Variants in STAC observed in about 807,000 individuals in gnomAD.
The protein encoded by STAC is SH3 and cysteine rich domain.
STAC carries 43 observed loss-of-function variants against 48.8 expected under a neutral mutation model. That is an observed-to-expected ratio of 0.88 (90% CI 0.69 to 1.14). The LOEUF (loss-of-function observed/expected upper bound fraction) is 1.14, where lower values mean the gene tolerates loss of function less well. Ranked by LOEUF, STAC falls within the 50% of genes most tolerant of loss-of-function variation. STAC has a pLI of 0.00. For synonymous variants in STAC, 193 were observed against 179.5 expected, an observed-to-expected ratio of 1.07 and a Z score of -0.60; for missense variants, 497 against 504.0, an observed-to-expected ratio of 0.99 and a Z score of 0.13.
chr3:36,395,161 A>T (rs547222332), intron 1 of STAC, among the ~76,000 whole-genome samples: 4 of 152,294 alleles, frequency 2.6e-5, no homozygotes, highest in Admixed American at 2.6e-4. Context: ...AAAGATAGAA[A>T]CAATGTAACT....
At chr3:36,411,639 T>TCC (rs1156251353) in intron 1 of STAC, among the ~76,000 whole-genome samples, 8 of 152,312 alleles carry the variant, frequency 5.3e-5, no homozygotes, top group African/African-American at 1.7e-4. Flanking sequence ...GGAGAGACTG[T>TCC]TCTTCCATGA....
intron 10 of STAC, among the ~76,000 whole-genome samples, chr3:36,536,770 T>G (rs1425050595): frequency 6.6e-6 from 1 of 151,426 alleles, no homozygotes; most frequent in East Asian, 1.9e-4. Context: ...ATTATTGCAA[T>G]CTACCCATAT....
intron 8 of STAC, among the ~76,000 whole-genome samples, chr3:36,512,092 G>T (rs1199722365): frequency 6.6e-6 from 1 of 152,176 alleles, no homozygotes; most frequent in Non-Finnish European, 1.5e-5. Flanking sequence ...GGGGGCCTGA[G>T]TCCTGGCTCC....
At chr3:36,499,475 C>T (rs1698230760) in intron 6 of STAC, among the ~76,000 whole-genome samples, 1 of 151,618 alleles carries the variant, frequency 6.6e-6, no homozygotes, top group Non-Finnish European at 1.5e-5. Context: ...CTTACCAAAC[C>T]AGAAAGGGAA....
At chr3:36,538,005 GGAGAAAATTTGA>G (rs1363853626) in intron 10 of STAC, among the ~76,000 whole-genome samples, 2 of 151,594 alleles carry the variant, frequency 1.3e-5, no homozygotes, top group Non-Finnish European at 2.9e-5. Flanking sequence ...CATTTATTTT[GGAGAAAATTTGA>G]GGGAAAATAT....
chr3:36,434,137 CA>C (rs1230897585), intron 1 of STAC, among the ~76,000 whole-genome samples: 2 of 152,208 alleles, frequency 1.3e-5, no homozygotes, highest in African/African-American at 4.8e-5. Flanking sequence ...AGTGCTTTGA[CA>C]AACTACACCA....
At chr3:36,541,051 A>C (rs1023280633) in intron 10 of STAC, among the ~76,000 whole-genome samples, 2 of 152,164 alleles carry the variant, frequency 1.3e-5, no homozygotes, top group African/African-American at 2.4e-5. Context: ...ATTCTTCCAC[A>C]TTTCTGCTAA....
intron 8 of STAC, among the ~76,000 whole-genome samples, chr3:36,522,632 T>C (rs1201341696): frequency 2.0e-5 from 3 of 152,236 alleles, no homozygotes; most frequent in Non-Finnish European, 4.4e-5. Flanking sequence ...AGACTCCTTT[T>C]CTTTGAATTT....
intron 8 of STAC, among the ~76,000 whole-genome samples, chr3:36,507,897 G>C (rs560988116): frequency 6.6e-6 from 1 of 152,072 alleles, no homozygotes; most frequent in South Asian, 2.1e-4. Flanking sequence ...TGTTTTGAAG[G>C]GTTTTTCGTG....
chr3:36,454,225 A>G (rs1365497952), intron 2 of STAC, among the ~76,000 whole-genome samples: 2 of 152,164 alleles, frequency 1.3e-5, no homozygotes, highest in Non-Finnish European at 2.9e-5. Flanking sequence ...CTTTGGGTCC[A>G]CACTGCCCTT....
intron 1 of STAC, among the ~76,000 whole-genome samples, chr3:36,425,168 A>G (rs1280988933): frequency 1.3e-5 from 2 of 152,202 alleles, no homozygotes; most frequent in African/African-American, 4.8e-5. Flanking sequence ...GTAACTTTAC[A>G]GTGGAGCAAC....
At chr3:36,406,130 C>A (rs1700084017) in intron 1 of STAC, among the ~76,000 whole-genome samples, 1 of 152,154 alleles carries the variant, frequency 6.6e-6, no homozygotes, top group African/African-American at 2.4e-5. Context: ...ATCAGGAAAC[C>A]TTTCTCTTCA....
chr3:36,388,020 C>T (rs1157483539), intron 1 of STAC, among the ~76,000 whole-genome samples: 1 of 152,028 alleles, frequency 6.6e-6, no homozygotes, highest in African/African-American at 2.4e-5. Flanking sequence ...TTTTGTTGAT[C>T]CTGATGGGTA....
intron 8 of STAC, among the ~76,000 whole-genome samples, chr3:36,514,477 G>A (rs1268192420): frequency 6.6e-6 from 1 of 151,804 alleles, no homozygotes; most frequent in Non-Finnish European, 1.5e-5. Context: ...TGATGCCATA[G>A]TTCTCTCAAA....
intron 8 of STAC, among the ~76,000 whole-genome samples, chr3:36,519,214 T>C (rs1040805866): frequency 6.6e-6 from 1 of 152,230 alleles, no homozygotes; most frequent in African/African-American, 2.4e-5. Context: ...TGAAAATTCA[T>C]GGCAGAGGCA....
chr3:36,423,153 A>C (rs1276319269), intron 1 of STAC, among the ~76,000 whole-genome samples: 1 of 152,214 alleles, frequency 6.6e-6, no homozygotes, highest in East Asian at 1.9e-4. Flanking sequence ...GCCAGTGTGA[A>C]AAAGGAAGAG....
At chr3:36,521,099 GCT>G (rs1340102897) in intron 8 of STAC, among the ~76,000 whole-genome samples, 1 of 151,938 alleles carries the variant, frequency 6.6e-6, no homozygotes, top group African/African-American at 2.4e-5. Flanking sequence ...GAGCCATTTG[GCT>G]GGCTCCTTTT....
chr3:36,522,871 ACTCCTTC>A (rs1372824755), intron 8 of STAC, among the ~76,000 whole-genome samples: 3 of 151,854 alleles, frequency 2.0e-5, no homozygotes, highest in Admixed American at 6.6e-5. Flanking sequence ...GGCAACTCAT[ACTCCTTC>A]CTCCAAGACC....
chr3:36,425,189 C>T (rs976938842), intron 1 of STAC, among the ~76,000 whole-genome samples: 9 of 152,186 alleles, frequency 5.9e-5, no homozygotes, highest in African/African-American at 2.2e-4. Flanking sequence ...CCAGAAAATA[C>T]TACTTTGACC....
Sources: allele counts gnomAD v4.1 joint callset (sites outside exome capture counted in the v4.1 genomes callset), GRCh38; gene constraint gnomAD v4.1.1; transcripts MANE v1.5; gene names NCBI Gene and HGNC (gene_info 2026-07-23, HGNC 2026-07-21).